FHOD3: variants seen among roughly 807,000 people sequenced by gnomAD.
The protein encoded by FHOD3 is formin homology 2 domain containing 3.
A neutral mutation model predicts 173.0 loss-of-function variants in FHOD3; 90 were observed. The observed-to-expected ratio is 0.52, with a 90% CI of 0.44 to 0.62. The LOEUF (loss-of-function observed/expected upper bound fraction) is 0.62, where lower values mean the gene tolerates loss of function less well. Among genes scored for constraint, FHOD3 ranks in the 20% least tolerant of loss-of-function variants. The probability of loss-of-function intolerance (pLI) is 0.00; values close to 1 mark genes in which losing one functional copy is unlikely to be tolerated. For missense variants in FHOD3, 1,945 were observed against 2,034.7 expected (o/e 0.96, Z 0.85); for synonymous variants, 828 against 823.0 (o/e 1.01, Z -0.10).
At chr18:36,576,375 G>T (rs1425259066) in intron 5 of FHOD3, 76 bp from the exon 6 acceptor site, 6 of 1,027,164 alleles carry the variant, frequency 5.8e-6, no homozygotes, top group South Asian at 1.7e-5. Context: ...TGAAAATCTT[G>T]ATCAGCATTA....
intron 16 of FHOD3, among the ~76,000 whole-genome samples, chr18:36,691,804 A>G (rs543835824): frequency 6.6e-6 from 1 of 152,380 alleles, no homozygotes; most frequent in East Asian, 1.9e-4. Flanking sequence ...TTCTCCCTGC[A>G]TGCTCTGCCT....
At chr18:36,565,633 A>T (rs1256700933) in intron 5 of FHOD3, among the ~76,000 whole-genome samples, 1 of 151,364 alleles carries the variant, frequency 6.6e-6, no homozygotes, top group Non-Finnish European at 1.5e-5. Context: ...CCATTCATTT[A>T]TTTTTTTTTC....
At chr18:36,765,794 G>GA (rs994394649) in intron 27 of FHOD3, among the ~76,000 whole-genome samples, 1 of 152,024 alleles carries the variant, frequency 6.6e-6, no homozygotes. Flanking sequence ...AGCATAGTGA[G>GA]AAAAAATGGA....
chr18:36,705,947 CTGTGTGTGTGTGTGTGTG>C (rs3222016), intron 17 of FHOD3, among the ~76,000 whole-genome samples: 19 of 142,800 alleles, frequency 1.3e-4, no homozygotes, highest in East Asian at 2.1e-4. Context: ...TCAGAAGGAA[CTGTGTGTGTGTGTGTGTG>C]TGTGTGTGTG....
chr18:36,557,982 G>A (rs545183003), intron 5 of FHOD3, among the ~76,000 whole-genome samples: 1 of 152,268 alleles, frequency 6.6e-6, no homozygotes, highest in South Asian at 2.1e-4. Flanking sequence ...TGTGCCCTAT[G>A]CCCCAAGAAT....
intron 3 of FHOD3, among the ~76,000 whole-genome samples, chr18:36,406,398 C>G (rs893819353): frequency 6.6e-6 from 1 of 152,120 alleles, no homozygotes; most frequent in Non-Finnish European, 1.5e-5. Context: ...GAGTTTTCCT[C>G]TCAGCGTTTA....
At chr18:36,675,688 G>C (rs374635218) in intron 14 of FHOD3, among the ~76,000 whole-genome samples, 2 of 152,112 alleles carry the variant, frequency 1.3e-5, no homozygotes, top group African/African-American at 4.8e-5. Context: ...ATAGGCTGGG[G>C]GTCTGGGAGC....
At chr18:36,756,084 G>C (rs1028057460) in intron 25 of FHOD3, among the ~76,000 whole-genome samples, 1 of 152,198 alleles carries the variant, frequency 6.6e-6, no homozygotes, top group African/African-American at 2.4e-5. Flanking sequence ...GAGACCAACG[G>C]AGGTACATAG....
At chr18:36,513,181 T>A (rs1276355404) in intron 5 of FHOD3, among the ~76,000 whole-genome samples, 1 of 141,880 alleles carries the variant, frequency 7.0e-6, no homozygotes. Flanking sequence ...TTTGATCCTG[T>A]AAAAAAAAAA....
In FHOD3 at chr18:36,611,954, G is replaced by C; in HGVS notation, c.816G>C (p.Thr272=). 6.2e-7 allele frequency: 1 copy of C among 1,613,450 alleles called. No homozygotes were observed. The highest frequency in any genetic ancestry group is 8.5e-7 in the Non-Finnish European group (1 of 1,179,758). Residue 272 remains threonine, a splice_region_variant and synonymous_variant, in exon 9 of 29, where the codon ACG becomes ACC. Transcript: ENST00000590592. ...AGCTGGTTCTTCTCTTCTTCCAGAC[G>C]TTATCAGGACTACCAGACCAAGACA... ...LVYAMTLVNK[T]LSGLPDQDTF... is the part of the protein sequence containing the mutation.
intron 24 of FHOD3, among the ~76,000 whole-genome samples, chr18:36,754,033 T>C (rs562992224): frequency 6.6e-6 from 1 of 152,232 alleles, no homozygotes; most frequent in Admixed American, 6.5e-5. Context: ...CACAAAAGTT[T>C]TTAAGTTTAA....
intron 3 of FHOD3, among the ~76,000 whole-genome samples, chr18:36,375,062 A>G (rs559495475): frequency 4.2e-4 from 64 of 152,212 alleles, no homozygotes; most frequent in Non-Finnish European, 1.3e-4. Context: ...AGCACTAAAT[A>G]TTATACTTTG....
chr18:36,385,436 G>T (rs1394712880), intron 3 of FHOD3, among the ~76,000 whole-genome samples: 3 of 152,088 alleles, frequency 2.0e-5, no homozygotes, highest in Non-Finnish European at 4.4e-5. Context: ...TTGCTCTGTT[G>T]CCCAGGCTGA....
intron 3 of FHOD3, among the ~76,000 whole-genome samples, chr18:36,437,203 C>T (rs2050853740): frequency 6.6e-6 from 1 of 151,768 alleles, no homozygotes; most frequent in Non-Finnish European, 1.5e-5. Context: ...CTGCATCCTT[C>T]GCCTCCTGGA....
chr18:36,663,001 A>T (rs143773069), intron 14 of FHOD3, among the ~76,000 whole-genome samples: 306 of 152,332 alleles, frequency 2.0e-3, no homozygotes, highest in African/African-American at 7.0e-3. Context: ...TGATAAGAGT[A>T]GCAATCACTT....
At chr18:36,548,032 A>C (rs1301008005) in intron 5 of FHOD3, among the ~76,000 whole-genome samples, 3 of 152,172 alleles carry the variant, frequency 2.0e-5, no homozygotes, top group Non-Finnish European at 4.4e-5. Context: ...TCTCTACTAA[A>C]AATACAAAAA....
At chr18:36,484,197 T>C (rs1276033329) in intron 3 of FHOD3, among the ~76,000 whole-genome samples, 2 of 152,250 alleles carry the variant, frequency 1.3e-5, no homozygotes, top group Non-Finnish European at 2.9e-5. Flanking sequence ...GGCTCCTTCA[T>C]ATAGGCAACC....
At chr18:36,374,205 T>A (rs188186119) in intron 3 of FHOD3, among the ~76,000 whole-genome samples, 1 of 152,204 alleles carries the variant, frequency 6.6e-6, no homozygotes, top group Admixed American at 6.5e-5. Context: ...AAACAACTTC[T>A]GTGTTATTGA....
At chr18:36,641,987 A>G (rs956574180) in intron 10 of FHOD3, among the ~76,000 whole-genome samples, 1 of 152,012 alleles carries the variant, frequency 6.6e-6, no homozygotes, top group Non-Finnish European at 1.5e-5. Context: ...AGAGGGAGAT[A>G]AAGCCCTTGC....
Sources: gnomAD v4.1 joint callset for allele counts (sites outside exome capture counted in the v4.1 genomes callset) on GRCh38, gnomAD v4.1.1 for gene constraint, MANE v1.5 for transcripts, NCBI Gene and HGNC (gene_info 2026-07-23, HGNC 2026-07-21) for gene names.